ATRX: variants seen among roughly 807,000 people sequenced by gnomAD.
ATRX encodes chromatin remodeler ATRX.
ATRX carries 12 observed loss-of-function variants against 172.6 expected under a neutral mutation model. That is an observed-to-expected ratio of 0.07 (90% CI 0.04 to 0.11). The LOEUF (loss-of-function observed/expected upper bound fraction) is 0.11, where lower values mean the gene tolerates loss of function less well. ATRX is among the 10% of genes least tolerant of loss of function. The probability of loss-of-function intolerance (pLI) is 1.00; values close to 1 mark genes in which losing one functional copy is unlikely to be tolerated. For synonymous variants in ATRX, 674 were observed against 594.7 expected (o/e 1.13, Z -1.94); for missense variants, 1,368 against 1,767.4 (o/e 0.77, Z 4.05).
chrX:77,709,689 G>C (rs907317578), intron 2 of ATRX, among the ~76,000 whole-genome samples: 1 of 108,837 alleles, frequency 9.2e-6, no homozygotes, highest in Non-Finnish European at 1.9e-5. Context: ...ATTCATGTCT[G>C]TAATCCAAGG....
At chrX:77,706,195 G>C (rs1557156916) in intron 2 of ATRX, among the ~76,000 whole-genome samples, 1 of 106,662 alleles carries the variant, frequency 9.4e-6, no homozygotes, top group Non-Finnish European at 1.9e-5. Flanking sequence ...TGTTGTCCAG[G>C]CTGGTCTGGA....
intron 1 of ATRX, among the ~76,000 whole-genome samples, chrX:77,753,832 G>C (rs782588930): frequency 3.6e-4 from 40 of 111,750 alleles, no homozygotes; most frequent in African/African-American, 1.2e-3. Flanking sequence ...GTGGTAGAGA[G>C]TTCTGTAGGT....
intron 17 of ATRX, among the ~76,000 whole-genome samples, chrX:77,634,188 C>T (rs1342841895): frequency 1.2e-5 from 1 of 84,942 alleles, no homozygotes; most frequent in African/African-American, 4.6e-5. Flanking sequence ...GTAAAAGATA[C>T]TTTACTTTGT....
intron 1 of ATRX, among the ~76,000 whole-genome samples, chrX:77,736,853 T>C (rs190213564): frequency 9.0e-6 from 1 of 111,423 alleles, no homozygotes; most frequent in East Asian, 2.8e-4. Context: ...ATAAAGAAAA[T>C]GTGGTAGTTA....
chrX:77,714,970 T>C (rs781856077), intron 2 of ATRX, among the ~76,000 whole-genome samples: 9 of 112,075 alleles, frequency 8.0e-5, no homozygotes, highest in Admixed American at 2.8e-4. Context: ...CATTACTTCC[T>C]GTATTTTGGT....
chrX:77,632,241 T>TA (rs1293857888), intron 19 of ATRX, among the ~76,000 whole-genome samples: 2 of 109,162 alleles, frequency 1.8e-5, no homozygotes, highest in Non-Finnish European at 3.8e-5. Context: ...AAGCTTTAAT[T>TA]TTTTTTTTCT....
intron 1 of ATRX, among the ~76,000 whole-genome samples, chrX:77,719,964 G>A (rs1012149158): frequency 3.0e-4 from 34 of 111,517 alleles, no homozygotes; most frequent in Non-Finnish European, 4.1e-4. Context: ...GAAAAAGAAC[G>A]GAAATCATAA....
At chrX:77,521,908 G>A (rs3027528) in intron 32 of ATRX, 9,387 of 225,294 alleles carry the variant, frequency 0.042, 194 homozygotes, top group Middle Eastern at 0.06. Context: ...CACTAGAATA[G>A]AAGTTAATGA....
In ATRX at chrX:77,557,598, T is replaced by C. The variant is rs2064851277; in HGVS notation, c.6552A>G (p.Ser2184=). ...GCTGATCAACAACTCGAAAAGACAG[T>C]GACTGCTTAGTTACTTGCCGATCAT... ...KIYDRQVTKQ[S]LSFRVVDQQQ... The change falls in exon 30 of 35, where the codon TCA becomes TCG. Residue 2184 remains serine (S), a synonymous_variant. Coordinates refer to ENST00000373344, the MANE Select transcript of ATRX (RefSeq NM_000489.6). 23 of 1,209,157 alleles carry C rather than the reference T, an allele frequency of 1.9e-5. No homozygotes were observed. The highest frequency in any genetic ancestry group is 2.6e-5 in the Non-Finnish European group (23 of 894,445).
chrX:77,591,580 T>C (rs2066256436), intron 26 of ATRX, among the ~76,000 whole-genome samples: 1 of 111,386 alleles, frequency 9.0e-6, no homozygotes, highest in African/African-American at 3.3e-5. Flanking sequence ...CACTTAAGTG[T>C]TTTTTATTGT....
intron 15 of ATRX, 119 bp downstream of exon 15, chrX:77,651,995 A>G: frequency 1.4e-6 from 1 of 730,063 alleles, no homozygotes; most frequent in South Asian, 2.3e-5. Flanking sequence ...CTGTAATCCC[A>G]GAAGTTTAGG....
At chrX:77,658,326 C>A (rs1211771706) in intron 12 of ATRX, among the ~76,000 whole-genome samples, 1 of 112,249 alleles carries the variant, frequency 8.9e-6, no homozygotes, top group Non-Finnish European at 1.9e-5. Flanking sequence ...CATGAGAAAA[C>A]ATTAGACAAA....
At chrX:77,632,908 G>C (rs782813976) in intron 19 of ATRX, among the ~76,000 whole-genome samples, 1 of 111,862 alleles carries the variant, frequency 8.9e-6, no homozygotes, top group Admixed American at 9.5e-5. Context: ...CCTAATATTT[G>C]GATAGCTGGA....
intron 34 of ATRX, among the ~76,000 whole-genome samples, chrX:77,510,779 T>C (rs781897860): frequency 7.1e-5 from 8 of 112,103 alleles, no homozygotes; most frequent in East Asian, 2.8e-4. Flanking sequence ...CGAAGTAGAA[T>C]AGAGCTCCAG....
chrX:77,544,769 A>G (rs1451840070), intron 30 of ATRX, among the ~76,000 whole-genome samples: 2 of 111,074 alleles, frequency 1.8e-5, no homozygotes, highest in African/African-American at 3.3e-5. Context: ...ATGGCTGCAT[A>G]GTATTCCATG....
rs2148360561 is a variant in ATRX, at chrX:77,636,038, C to T, written c.4576G>A (p.Ala1526Thr). 8.3e-7 allele frequency: 1 copy of T among 1,210,708 alleles called. No individual in the cohort carries two copies. Among genetic ancestry groups the T allele is most frequent in the Non-Finnish European group, 1.1e-6 (1 of 894,773 alleles). ...GTTATTGGACACTTGGTGGGTGAAG[C>T]ATCTTCAATTTCTATCACCTACAAG... ...KLREVIEIED[A>T]SPTKCPITTK... Residue 1526 changes from alanine to threonine, a missense_variant, in exon 16 of 35, where the codon GCT becomes ACT. By Grantham distance (58) the Ala-to-Thr change is moderately conservative. This residue lies in a region of ATRX where 27 missense variants were observed against 110.8 expected (regional missense o/e 0.24). Transcript: ENST00000373344.
chrX:77,700,646 T>C (rs1557152945), intron 2 of ATRX, among the ~76,000 whole-genome samples: 1 of 112,423 alleles, frequency 8.9e-6, no homozygotes. Flanking sequence ...AAGATGTCCT[T>C]TAGAAGATGA....
chrX:77,537,316 CCAATG>C (rs1768339145), intron 30 of ATRX, among the ~76,000 whole-genome samples: 1 of 111,506 alleles, frequency 9.0e-6, no homozygotes, highest in African/African-American at 3.3e-5. Flanking sequence ...GCCTGGTTTA[CCAATG>C]ACCTTTGTGT....
intron 28 of ATRX, among the ~76,000 whole-genome samples, chrX:77,566,692 G>A (rs1229941119): frequency 1.8e-5 from 2 of 111,545 alleles, no homozygotes; most frequent in African/African-American, 6.5e-5. Context: ...GGTCAAGGCT[G>A]CAGTGAGCTG....
Sources: allele counts gnomAD v4.1 joint callset (sites outside exome capture counted in the v4.1 genomes callset), GRCh38; gene constraint gnomAD v4.1.1; regional missense constraint gnomAD v4.1.1; transcripts MANE v1.5; gene names NCBI Gene and HGNC (gene_info 2026-07-23, HGNC 2026-07-21).